PTPRC: variants seen among roughly 807,000 people sequenced by gnomAD.
The protein encoded by PTPRC is protein tyrosine phosphatase receptor type C, also known as receptor-type tyrosine-protein phosphatase C.
Under a neutral mutation model 155.9 loss-of-function variants are expected in PTPRC, and 44 were observed. The observed-to-expected ratio is 0.28, with a 90% CI of 0.22 to 0.36. The LOEUF is 0.36. Among genes scored for constraint, PTPRC ranks in the 10% least tolerant of loss-of-function variants. PTPRC has a pLI of 1.00. For synonymous variants in PTPRC, 525 were observed against 533.1 expected, an observed-to-expected ratio of 0.98 and a Z score of 0.21; for missense variants, 1,401 against 1,564.6, an observed-to-expected ratio of 0.90 and a Z score of 1.76.
chr1:198,677,063 A>G (rs1664995403), intron 2 of PTPRC, among the ~76,000 whole-genome samples: 1 of 152,206 alleles, frequency 6.6e-6, no homozygotes, highest in Non-Finnish European at 1.5e-5. Flanking sequence ...AATTACTACC[A>G]TTGATGGTCA....
intron 2 of PTPRC, among the ~76,000 whole-genome samples, chr1:198,679,413 T>C (rs1194320808): frequency 1.4e-5 from 2 of 147,334 alleles, no homozygotes; most frequent in African/African-American, 5.0e-5. Context: ...TTTTTTTTTT[T>C]TTTGTATTTT....
intron 25 of PTPRC, 23 bp downstream of exon 25, chr1:198,742,390 T>C (rs1300517736): frequency 3.1e-6 from 5 of 1,611,028 alleles, no homozygotes; most frequent in Non-Finnish European, 4.2e-6. Context: ...CTTTAGTGAT[T>C]ATTCTCACTT....
intron 15 of PTPRC, among the ~76,000 whole-genome samples, chr1:198,726,839 C>T (rs1654154915): frequency 6.6e-6 from 1 of 151,454 alleles, no homozygotes; most frequent in Non-Finnish European, 1.5e-5. Flanking sequence ...TGTTCACTTA[C>T]CTTTCTTTTT....
At chr1:198,674,050 C>A (rs2102303226) in intron 2 of PTPRC, among the ~76,000 whole-genome samples, 1 of 152,236 alleles carries the variant, frequency 6.6e-6, no homozygotes, top group Non-Finnish European at 1.5e-5. Context: ...AAAAAGTTTT[C>A]CAAACAAATT....
In PTPRC at chr1:198,752,688, A is replaced by C. The variant is rs778966323; in HGVS notation, c.3425A>C (p.Gln1142Pro). 18 of 1,612,824 alleles carry C rather than the reference A, an allele frequency of 1.1e-5. No individual in the cohort carries two copies. Among genetic ancestry groups the C allele is most frequent in the Non-Finnish European group, 1.4e-5 (17 of 1,179,342 alleles). ...AEPKELISMI[Q>P]VVKQKLPQKN... is the part of the protein sequence containing the mutation. Reference sequence around the variant, plus strand: ...CCCAAGGAATTAATCTCTATGATTCAGGTCGTCAAACAAAAACTTCCCCAG... The same window carrying C: ...CCCAAGGAATTAATCTCTATGATTCCGGTCGTCAAACAAAAACTTCCCCAG... Residue 1142 changes from glutamine to proline, a missense_variant, in exon 31 of 33, where the codon CAG becomes CCG. This residue lies in a region of PTPRC where 400 missense variants were observed against 389.5 expected (regional missense o/e 1.03). Transcript: ENST00000442510.
chr1:198,757,020 T>TTAA lies in PTPRC; in HGVS notation c.*842_*844dup, dbSNP rs1655712079. On this transcript the variant is annotated 3_prime_UTR_variant, in exon 33 of 33. Transcript: ENST00000442510. ...TTAAAATAAATAAATGCAATATGTA[T>TTAA]TAATATTCATTGTATAAAAATAGAA... The TTAA allele has an allele frequency of 6.6e-6, 1 of 151,932 alleles. No individual in the cohort carries two copies. The highest frequency in any genetic ancestry group is 2.1e-4 in the South Asian group (1 of 4,834). 9.4% of individuals were successfully genotyped at this position (151,932 alleles called of 1,614,324 possible).
At chr1:198,714,269 G>C (rs1653455982) in intron 12 of PTPRC, among the ~76,000 whole-genome samples, 1 of 151,822 alleles carries the variant, frequency 6.6e-6, no homozygotes, top group Non-Finnish European at 1.5e-5. Context: ...CTCTCTACTA[G>C]AGAGTATTGT....
At chr1:198,750,420 A>T in intron 28 of PTPRC, 72 bp from the exon 29 acceptor site, 1 of 1,485,780 alleles carries the variant, frequency 6.7e-7, no homozygotes, top group Non-Finnish European at 9.4e-7. Context: ...TATATTTCCA[A>T]ATGGTTACTT....
rs187836430 is a variant in PTPRC at position 198,646,688 on chromosome 1, A to G, written c.73+7347A>G. Among the ~76,000 whole-genome samples, 263 of 152,002 alleles carry G rather than the reference A, an allele frequency of 1.7e-3. 1 individual carries two copies. The highest frequency in any genetic ancestry group is 5.6e-3 in the African/African-American group (234 of 41,504). On this transcript the variant is annotated intron_variant, in intron 2 of 32. Coordinates refer to ENST00000442510, the MANE Select transcript of PTPRC (RefSeq NM_002838.5). The stretch of plus-strand genomic sequence containing the variant: ...GATTATTTCTTATCTAGCCAATAGA[A>G]ACTTTAGAAACACTTTTAAGACTGC...
intron 2 of PTPRC, among the ~76,000 whole-genome samples, chr1:198,666,499 G>C (rs1295772177): frequency 1.3e-5 from 2 of 152,130 alleles, no homozygotes; most frequent in Non-Finnish European, 2.9e-5. Flanking sequence ...TGCTAACCAT[G>C]TTAGATGCTA....
rs553431740 is a variant in PTPRC at position 198,754,517 on chromosome 1, T to C, written c.3645+113T>C. On this transcript the variant is annotated intron_variant, in intron 32 of 32. Transcript: ENST00000442510. Reference sequence around the variant, plus strand: ...CCTCTCGTTTGTTCTTTTTTCCCCTTTCCTTTTCTCTTCTCTATTTTCTTT... The same window carrying C: ...CCTCTCGTTTGTTCTTTTTTCCCCTCTCCTTTTCTCTTCTCTATTTTCTTT... 8 of 1,269,536 alleles carry C rather than the reference T, an allele frequency of 6.3e-6. No individual in the cohort carries two copies. The East Asian group carries it at 1.7e-4, about 26-fold the overall frequency. The allele number at this position is 1,269,536 out of a possible 1,614,324, so 78.6% of individuals were successfully genotyped here.
At chr1:198,710,959 A>G (rs1352451279) in intron 11 of PTPRC, among the ~76,000 whole-genome samples, 1 of 152,148 alleles carries the variant, frequency 6.6e-6, no homozygotes, top group Admixed American at 6.5e-5. Context: ...GGTTCAAGCA[A>G]TTCTCCTGCC....
chr1:198,679,613 G>C, intron 2 of PTPRC: 1 of 223,742 alleles, frequency 4.5e-6, no homozygotes, highest in Non-Finnish European at 9.3e-6. Flanking sequence ...ATTTGCCACT[G>C]TGGCCTCCAG....
chr1:198,714,603 A>C (rs551114351), intron 12 of PTPRC, among the ~76,000 whole-genome samples: 1 of 152,156 alleles, frequency 6.6e-6, no homozygotes, highest in Admixed American at 6.5e-5. Context: ...ATGCCCTGAC[A>C]CTGCATAAAG....
In PTPRC at chr1:198,706,904, A is replaced by G. The variant is rs199673441; in HGVS notation, c.856A>G (p.Asn286Asp). 4.0e-5 allele frequency: 65 copies of G among 1,613,124 alleles called. No homozygotes were observed. Among genetic ancestry groups the G allele is most frequent in the Middle Eastern group, 3.3e-4 (2 of 6,046 alleles). Residue 286 changes from asparagine to aspartate, a missense_variant, in exon 9 of 33, where the codon AAT (asparagine) becomes GAT (aspartate). Physicochemically the swap from Asn to Asp is conservative, Grantham distance 23 (BLOSUM62 1). Transcript: ENST00000442510. ...AAATGCGTCTGTTTCCATATCTCATAATTCATGTACTGCTCCTGATAAGAC... is the reference window on the plus strand; with the variant it reads ...AAATGCGTCTGTTTCCATATCTCATGATTCATGTACTGCTCCTGATAAGAC... Reference protein sequence around the residue: ...CKNASVSISHNSCTAPDKTLI... With the variant: ...CKNASVSISHDSCTAPDKTLI...
chr1:198,640,181 A>G (rs749648091), intron 2 of PTPRC, among the ~76,000 whole-genome samples: 1 of 152,022 alleles, frequency 6.6e-6, no homozygotes, highest in African/African-American at 2.4e-5. Context: ...CGGCGTCAAT[A>G]TGAATCATGA....
At chr1:198,656,656 T>G (rs866125808) in intron 2 of PTPRC, among the ~76,000 whole-genome samples, 9 of 119,962 alleles carry the variant, frequency 7.5e-5, no homozygotes, top group Non-Finnish European at 9.9e-5. Context: ...GTTTTTTGTT[T>G]TTTTTTTTTT....
At chr1:198,736,529 T>A (rs1654645855) in intron 23 of PTPRC, among the ~76,000 whole-genome samples, 1 of 151,726 alleles carries the variant, frequency 6.6e-6, no homozygotes, top group African/African-American at 2.4e-5. Context: ...TACCCCTTTT[T>A]ATGGCTGAAT....
At chr1:198,654,225 T>A (rs1663413147) in intron 2 of PTPRC, among the ~76,000 whole-genome samples, 1 of 151,828 alleles carries the variant, frequency 6.6e-6, no homozygotes, top group Non-Finnish European at 1.5e-5. Context: ...GTTAATTGAT[T>A]TAAGGTCCAT....
Sources: gnomAD v4.1 joint callset for allele counts (sites outside exome capture counted in the v4.1 genomes callset) on GRCh38, gnomAD v4.1.1 for gene constraint, gnomAD v4.1.1 regional missense constraint, MANE v1.5 for transcripts, NCBI Gene and HGNC (gene_info 2026-07-23, HGNC 2026-07-21) for gene names.